The following PHC2 variants were observed in gnomAD, a reference collection of about 807,000 sequenced individuals.
The protein encoded by PHC2 is polyhomeotic homolog 2, also known as polyhomeotic-like protein 2.
PHC2 carries 29 observed loss-of-function variants against 87.4 expected under a neutral mutation model. The observed-to-expected ratio is 0.33, with a 90% CI of 0.25 to 0.45. The LOEUF is 0.45. PHC2 is among the 20% of genes least tolerant of loss of function. The pLI is 1.00. For missense variants in PHC2, 857 were observed against 1,136.7 expected, an observed-to-expected ratio of 0.75 and a Z score of 3.54; for synonymous variants, 438 against 461.7, an observed-to-expected ratio of 0.95 and a Z score of 0.66.
In PHC2 at chr1:33,334,073, A is replaced by G. The variant is rs751447375; in HGVS notation, c.1761+17T>C. 6.3e-7 allele frequency: 1 copy of G among 1,576,826 alleles called. No individual in the cohort carries two copies. The highest frequency in any genetic ancestry group is 8.6e-7 in the Non-Finnish European group (1 of 1,164,994). The stretch of plus-strand genomic sequence containing the variant: ...AAATATACTTAAAAAAAAAAGGGGA[A>G]AAGAAGTAGTCCGTACCGGGAAAGG... On this transcript the variant is annotated intron_variant, in intron 10 of 14. Transcript: ENST00000683057. This position sits in a 1 kb window ranked among gnomAD's most constrained non-coding sequence, Gnocchi z 5.5.
intron 1 of PHC2, among the ~76,000 whole-genome samples, chr1:33,408,112 T>C (rs1351377729): frequency 6.6e-6 from 1 of 152,216 alleles, no homozygotes; most frequent in Non-Finnish European, 1.5e-5. Flanking sequence ...AAAAATTTAT[T>C]TCTCTCAGTT....
chr1:33,411,245 A>G (rs534304114), intron 1 of PHC2, among the ~76,000 whole-genome samples: 7 of 152,330 alleles, frequency 4.6e-5, no homozygotes, highest in African/African-American at 1.7e-4. Flanking sequence ...TTTCACTAAA[A>G]TATACTTAAA....
At chr1:33,344,896 A>AT (rs921108638) in intron 9 of PHC2, among the ~76,000 whole-genome samples, 29 of 148,900 alleles carry the variant, frequency 1.9e-4, no homozygotes, top group East Asian at 5.9e-4. Context: ...CCTGGTCCCA[A>AT]TTTTTTTTTT....
rs966594577 is a variant in PHC2, at chr1:33,324,123, C to T, written c.*742G>A. On this transcript the variant is annotated 3_prime_UTR_variant, in exon 15 of 15. Coordinates refer to ENST00000683057, the MANE Select transcript of PHC2 (RefSeq NM_001385109.1). ...AAGCGCCGTCTCTTTCTGACCTTGCCTCTGCGCTGAGGCTGCCATTCTTGG... is the reference window on the plus strand; with the variant it reads ...AAGCGCCGTCTCTTTCTGACCTTGCTTCTGCGCTGAGGCTGCCATTCTTGG... 6.5e-6 allele frequency: 1 copy of T among 152,718 alleles called. No individual in the cohort carries two copies. The highest frequency in any genetic ancestry group is 2.4e-5 in the African/African-American group (1 of 41,464). 9.5% of individuals were successfully genotyped at this position (152,718 alleles called of 1,614,324 possible). A position where few individuals can be genotyped will look rare whatever the true frequency, so the allele number is the denominator to read the frequency against.
Position 33,332,441 on chromosome 1 carries a change from G to A in PHC2, c.1762-37C>T, listed in dbSNP as rs757079062. ...GTAACACGGAGGCCGTGAGGGTCAG[G>A]TGGGAGCGGCTTCCTTGCTATCCAT... On this transcript the variant is annotated intron_variant, in intron 10 of 14. Coordinates refer to ENST00000683057, the MANE Select transcript of PHC2 (RefSeq NM_001385109.1). The surrounding 1 kb of genome is among the most constrained non-coding windows in gnomAD (Gnocchi z 4.2). 7.4e-6 allele frequency: 12 copies of A among 1,613,442 alleles called. No homozygotes were observed. Among genetic ancestry groups the A allele is most frequent in the Non-Finnish European group, 1.0e-5 (12 of 1,179,538 alleles).
At chr1:33,410,350 C>T (rs772575596) in intron 1 of PHC2, among the ~76,000 whole-genome samples, 1 of 152,184 alleles carries the variant, frequency 6.6e-6, no homozygotes, top group Non-Finnish European at 1.5e-5. Flanking sequence ...GCCAGAGCCT[C>T]ACTCCATGGG....
In PHC2 at chr1:33,356,269, A is replaced by ATGTG. The variant is rs1185464532; in HGVS notation, c.977-1017_977-1016insCACA. On this transcript the variant is annotated intron_variant, in intron 7 of 14. Transcript: ENST00000683057. ...AATTCTTATATATATATATATATAT[A>ATGTG]TATATATGTATATATATATATATAT... 3.0e-3 allele frequency among the ~76,000 whole-genome samples: 299 copies of ATGTG among 99,140 alleles called. 2 individuals carry two copies. Among genetic ancestry groups the ATGTG allele is most frequent in the South Asian group, 4.8e-3 (14 of 2,946 alleles). 65.0% of individuals were successfully genotyped at this position (99,140 alleles called of 152,430 possible).
At chr1:33,342,320 C>G (rs1444719144) in intron 9 of PHC2, among the ~76,000 whole-genome samples, 3 of 152,222 alleles carry the variant, frequency 2.0e-5, no homozygotes, top group African/African-American at 4.8e-5. Flanking sequence ...AGGGAGGGGG[C>G]TCCTCCCATG....
chr1:33,384,122 G>A (rs115343184), intron 1 of PHC2, among the ~76,000 whole-genome samples: 379 of 152,294 alleles, frequency 2.5e-3, no homozygotes, highest in African/African-American at 8.3e-3. Flanking sequence ...AAACAGCCTC[G>A]TTAATATCAT....
intron 1 of PHC2, among the ~76,000 whole-genome samples, chr1:33,422,271 CT>C (rs61478481): frequency 0.21 from 31,887 of 152,064 alleles, 5,671 homozygotes; most frequent in African/African-American, 0.49. Context: ...CCATGTCTTT[CT>C]TTCTTTAGAA....
intron 9 of PHC2, chr1:33,347,134 T>C (rs1166794510): frequency 1.0e-6 from 1 of 985,314 alleles, no homozygotes; most frequent in Non-Finnish European, 1.2e-6. Flanking sequence ...ATTCTGGGGC[T>C]GAGCCAGAGC....
chr1:33,413,208 C>G (rs577837020), intron 1 of PHC2, among the ~76,000 whole-genome samples: 1 of 152,288 alleles, frequency 6.6e-6, no homozygotes, highest in East Asian at 1.9e-4. Context: ...CTCAGATGAT[C>G]CCCCCGCCTC....
intron 1 of PHC2, among the ~76,000 whole-genome samples, chr1:33,385,202 GTCA>G (rs1386735389): frequency 2.0e-5 from 3 of 152,190 alleles, no homozygotes; most frequent in Admixed American, 2.0e-4. Flanking sequence ...ACTAGACCCA[GTCA>G]CACATTGACT....
Position 33,334,754 on chromosome 1 carries a change from T to A in PHC2, c.1559-462A>T, listed in dbSNP as rs1366775962. On this transcript the variant is annotated intron_variant, in intron 9 of 14. Coordinates refer to ENST00000683057, the MANE Select transcript of PHC2 (RefSeq NM_001385109.1). This position sits in a 1 kb window ranked among gnomAD's most constrained non-coding sequence, Gnocchi z 5.5. ...TGATAAAGAGAAGCTTCTACGAGGT[T>A]CCTTAGAGGAGGGATTTTAAGAGCC... 6.6e-6 allele frequency among the ~76,000 whole-genome samples: 1 copy of A among 152,192 alleles called. No homozygotes were observed. Among genetic ancestry groups the A allele is most frequent in the African/African-American group, 2.4e-5 (1 of 41,446 alleles).
intron 1 of PHC2, among the ~76,000 whole-genome samples, chr1:33,409,721 G>T (rs1442590295): frequency 1.3e-5 from 2 of 152,076 alleles, no homozygotes; most frequent in African/African-American, 4.8e-5. Flanking sequence ...TCCATACATA[G>T]GTTTTTAGCC....
At chr1:33,344,735 C>T (rs1646814258) in intron 9 of PHC2, among the ~76,000 whole-genome samples, 1 of 152,134 alleles carries the variant, frequency 6.6e-6, no homozygotes, top group African/African-American at 2.4e-5. Context: ...TCCTGAGCAA[C>T]TGAGACCACA....
rs1196414274 is a variant in PHC2 at position 33,349,916 on chromosome 1, C to T, written c.1558+4485G>A. 1.0e-6 allele frequency: 1 copy of T among 962,954 alleles called. No individual in the cohort carries two copies. The highest frequency in any genetic ancestry group is 1.2e-6 in the Non-Finnish European group (1 of 812,360). The allele number at this position is 962,954 out of a possible 1,614,324, so 59.7% of individuals were successfully genotyped here. On this transcript the variant is annotated intron_variant, in intron 9 of 14. Coordinates refer to ENST00000683057, the MANE Select transcript of PHC2 (RefSeq NM_001385109.1). The surrounding 1 kb of genome is among the most constrained non-coding windows in gnomAD (Gnocchi z 4.2). ...AGACAATGCGGCGAGTCTGGGACGGCTCCCGCGGCCGCCTCCGCCGGGGGC... is the reference window on the plus strand; with the variant it reads ...AGACAATGCGGCGAGTCTGGGACGGTTCCCGCGGCCGCCTCCGCCGGGGGC...
rs574627581 is a variant in PHC2 at position 33,371,038 on chromosome 1, C to T, written c.390G>A (p.Gln130=). 3.0e-5 allele frequency: 48 copies of T among 1,614,106 alleles called. No individual in the cohort carries two copies. In the African/African-American group the frequency reaches 5.7e-4, roughly 19 times the overall value. ...TCACCGAAGATGACTGGGCCGGGGC[C>T]TGCGCAGACACATTGCTGCCTGAAG... is the stretch of plus-strand genomic sequence containing the variant. The part of the protein sequence containing the change: ...GSTSGSNVSA[Q]APAQSSSINL... The change falls in exon 4 of 15, where the codon CAG becomes CAA. Residue 130 remains glutamine, a synonymous_variant. Coordinates refer to ENST00000683057, the MANE Select transcript of PHC2 (RefSeq NM_001385109.1).
chr1:33,338,645 C>G (rs762162536), intron 9 of PHC2, among the ~76,000 whole-genome samples: 10 of 152,234 alleles, frequency 6.6e-5, no homozygotes, highest in Non-Finnish European at 1.3e-4. Context: ...AACAGTGAAA[C>G]TTGCAGAAAC....
Sources: gnomAD v4.1 joint callset for allele counts (sites outside exome capture counted in the v4.1 genomes callset) on GRCh38, gnomAD v4.1.1 for gene constraint, Gnocchi (gnomAD v3.1) non-coding constraint, MANE v1.5 for transcripts, NCBI Gene and HGNC (gene_info 2026-07-23, HGNC 2026-07-21) for gene names.